Variants in RPS6KA2 observed in about 807,000 individuals in gnomAD.
RPS6KA2 encodes the protein ribosomal protein S6 kinase A2, also known as ribosomal protein S6 kinase alpha-2.
In RPS6KA2, 42 loss-of-function variants were observed where a neutral mutation model predicts 91.8. That is an observed-to-expected ratio of 0.46 (90% CI 0.36 to 0.59). The LOEUF (loss-of-function observed/expected upper bound fraction) is 0.59, where lower values mean the gene tolerates loss of function less well. Among genes scored for constraint, RPS6KA2 ranks in the 20% least tolerant of loss-of-function variants. The pLI, the probability that RPS6KA2 is intolerant of heterozygous loss-of-function variation, is 0.00. For synonymous variants in RPS6KA2, 414 were observed against 393.6 expected (o/e 1.05, Z -0.61); for missense variants, 798 against 978.5 (o/e 0.82, Z 2.46).
intron 2 of RPS6KA2, among the ~76,000 whole-genome samples, chr6:166,801,371 C>T (rs985215482): frequency 2.0e-5 from 3 of 151,980 alleles, no homozygotes; most frequent in Non-Finnish European, 2.9e-5. Flanking sequence ...GAGATGAGGA[C>T]TCGATCTGGT....
At chr6:166,600,483 C>A (rs148170032) in intron 1 of RPS6KA2, among the ~76,000 whole-genome samples, 7 of 152,344 alleles carry the variant, frequency 4.6e-5, no homozygotes, top group Non-Finnish European at 2.9e-5. Flanking sequence ...TGATTTTCTT[C>A]CGATCTAAAT....
chr6:166,617,089 T>C (rs3799571), intron 1 of RPS6KA2, among the ~76,000 whole-genome samples: 31,689 of 152,168 alleles, frequency 0.21, 3,661 homozygotes, highest in African/African-American at 0.32. Flanking sequence ...CAGGCTGGAA[T>C]GTGCAGAGGG....
chr6:166,652,432 G>A lies in RPS6KA2; in HGVS notation c.124-113648C>T, dbSNP rs542173972. On this transcript the variant is annotated intron_variant, in intron 2 of 21. Coordinates refer to the RPS6KA2 transcript ENST00000503859. ...GTTTTCCTTGCGATGTTTCCCATGA[G>A]GAGTTTGATCGTTTGCACCTTATTC... is the stretch of plus-strand genomic sequence containing the variant. 5.9e-5 allele frequency among the ~76,000 whole-genome samples: 9 copies of A among 152,190 alleles called. No individual in the cohort carries two copies. In the South Asian group the frequency reaches 1.9e-3, roughly 32 times the overall value.
chr6:166,483,554 TGTC>T (rs1272284134), intron 10 of RPS6KA2, among the ~76,000 whole-genome samples: 1 of 152,266 alleles, frequency 6.6e-6, no homozygotes, highest in Non-Finnish European at 1.5e-5. Flanking sequence ...AGACCAAAAA[TGTC>T]GTGCTAACGA....
chr6:166,690,875 T>G lies in RPS6KA2; in HGVS notation c.124-152091A>C, dbSNP rs79226015. On this transcript the variant is annotated intron_variant, in intron 2 of 21. Transcript: ENST00000503859. Reference sequence around the variant, plus strand: ...ACGGAGACCCTGAACAGGCATGCTGTGGACAGGTGTTTACAGGGCTTACTC... The same window carrying G: ...ACGGAGACCCTGAACAGGCATGCTGGGGACAGGTGTTTACAGGGCTTACTC... 9.8e-3 allele frequency among the ~76,000 whole-genome samples: 1,491 copies of G among 152,268 alleles called. 20 individuals are homozygous for G. The highest frequency in any genetic ancestry group is 0.033 in the African/African-American group (1,363 of 41,548).
chr6:166,660,786 A>G (rs1387965457), intron 2 of RPS6KA2, among the ~76,000 whole-genome samples: 1 of 152,080 alleles, frequency 6.6e-6, no homozygotes, highest in African/African-American at 2.4e-5. Flanking sequence ...CGGCTGCATA[A>G]TATCCTCTTT....
At chr6:166,741,234 G>A (rs185005375) in intron 2 of RPS6KA2, among the ~76,000 whole-genome samples, 8 of 152,296 alleles carry the variant, frequency 5.3e-5, no homozygotes, top group East Asian at 3.9e-4. Flanking sequence ...ATGTAAAGAC[G>A]TGGATAAGAA....
At chr6:166,506,144 C>T (rs1183672775) in intron 5 of RPS6KA2, among the ~76,000 whole-genome samples, 3 of 151,942 alleles carry the variant, frequency 2.0e-5, no homozygotes, top group South Asian at 2.1e-4. Flanking sequence ...GGCACAGCGA[C>T]GGTCCCCATA....
Position 166,418,354 on chromosome 6 carries a change from G to A in RPS6KA2, c.1821-12C>T, listed in dbSNP as rs766965415. 4.4e-6 allele frequency: 7 copies of A among 1,585,698 alleles called. No homozygotes were observed. Among genetic ancestry groups the A allele is most frequent in the Middle Eastern group, 1.7e-4 (1 of 6,028 alleles). The stretch of plus-strand genomic sequence containing the variant: ...CAAAAGGGGTAAATCTGTATAATTA[G>A]ACAAATTTGTGGTAATGAGCTTGTA... On this transcript the variant is annotated splice_polypyrimidine_tract_variant and intron_variant, in intron 18 of 20. Coordinates refer to ENST00000265678, the MANE Select transcript of RPS6KA2 (RefSeq NM_021135.6). The surrounding 1 kb of genome is among the most constrained non-coding windows in gnomAD (Gnocchi z 4.9).
At chr6:166,727,496 C>G (rs973638404) in intron 2 of RPS6KA2, among the ~76,000 whole-genome samples, 1 of 151,992 alleles carries the variant, frequency 6.6e-6, no homozygotes, top group East Asian at 1.9e-4. Flanking sequence ...CAGGTATCAG[C>G]ACCCTAAGCA....
intron 1 of RPS6KA2, among the ~76,000 whole-genome samples, chr6:166,606,534 C>T (rs2128529861): frequency 6.6e-6 from 1 of 152,238 alleles, no homozygotes; most frequent in East Asian, 1.9e-4. Context: ...GTAAACAATA[C>T]CATCAAGAAA....
At chr6:166,497,044 T>C (rs1781810953) in intron 8 of RPS6KA2, among the ~76,000 whole-genome samples, 2 of 152,036 alleles carry the variant, frequency 1.3e-5, no homozygotes, top group Non-Finnish European at 2.9e-5. Context: ...GAGGCAGAAA[T>C]CACCTCCAAG....
At chr6:166,700,542 T>C (rs1451871484) in intron 2 of RPS6KA2, among the ~76,000 whole-genome samples, 1 of 151,998 alleles carries the variant, frequency 6.6e-6, no homozygotes, top group Non-Finnish European at 1.5e-5. Context: ...ATACCCGAGG[T>C]AGTTGAGTAA....
rs1467711068 is a variant in RPS6KA2 at position 166,529,054 on chromosome 6, A to T, written c.298+2178T>A. Reference sequence around the variant, plus strand: ...TAGAACTAGAAATACCATTTGACCCAGCCATCCCATTACTGGGTATATACC... The same window carrying T: ...TAGAACTAGAAATACCATTTGACCCTGCCATCCCATTACTGGGTATATACC... On this transcript the variant is annotated intron_variant, in intron 3 of 20. Transcript: ENST00000265678. 4.6e-4 allele frequency among the ~76,000 whole-genome samples: 70 copies of T among 152,242 alleles called. 1 individual carries two copies. The highest frequency in any genetic ancestry group is 1.5e-4 in the Non-Finnish European group (10 of 68,046).
intron 2 of RPS6KA2, among the ~76,000 whole-genome samples, chr6:166,764,448 G>A (rs638096): frequency 0.021 from 2,505 of 121,922 alleles, 63 homozygotes; most frequent in African/African-American, 0.097. Context: ...CTAACAACAC[G>A]GGGCCCGCGC....
intron 2 of RPS6KA2, among the ~76,000 whole-genome samples, chr6:166,824,777 G>GTGTGTGTC (rs1491272377): frequency 3.9e-5 from 1 of 25,330 alleles, no homozygotes; most frequent in Admixed American, 5.4e-4. Flanking sequence ...GTGTGTCTAC[G>GTGTGTGTC]TGTGTGTCTG....
At chr6:166,575,281 G>C (rs1472975485) in intron 1 of RPS6KA2, among the ~76,000 whole-genome samples, 1 of 152,206 alleles carries the variant, frequency 6.6e-6, no homozygotes, top group Admixed American at 6.5e-5. Context: ...ATAACACGAG[G>C]CTATGTGTGA....
chr6:166,512,363 T>C (rs12526968), intron 3 of RPS6KA2, among the ~76,000 whole-genome samples: 19,319 of 152,180 alleles, frequency 0.13, 1,587 homozygotes, highest in South Asian at 0.27. Flanking sequence ...GATACAAAGA[T>C]TTTGGGTATA....
At chr6:166,518,599 T>G (rs1260214338) in intron 3 of RPS6KA2, among the ~76,000 whole-genome samples, 1 of 152,178 alleles carries the variant, frequency 6.6e-6, no homozygotes, top group African/African-American at 2.4e-5. Flanking sequence ...GAAGACGTTT[T>G]TATAAGAATG....
Sources: allele counts gnomAD v4.1 joint callset (sites outside exome capture counted in the v4.1 genomes callset), GRCh38; gene constraint gnomAD v4.1.1; non-coding constraint Gnocchi (gnomAD v3.1); transcripts MANE v1.5; gene names NCBI Gene and HGNC (gene_info 2026-07-23, HGNC 2026-07-21).